The following ST18 variants were observed in gnomAD, a reference collection of about 807,000 sequenced individuals.
ST18 encodes the protein suppression of tumorigenicity 18 protein.
A neutral mutation model predicts 110.0 loss-of-function variants in ST18; 50 were observed. The observed-to-expected ratio is 0.45, with a 90% CI of 0.36 to 0.58. The LOEUF is 0.58. ST18 is among the 20% of genes least tolerant of loss of function. The probability of loss-of-function intolerance (pLI) is 0.00; values close to 1 mark genes in which losing one functional copy is unlikely to be tolerated. For synonymous variants in ST18, 461 were observed against 452.4 expected (o/e 1.02, Z -0.24); for missense variants, 1,306 against 1,280.1 (o/e 1.02, Z -0.31).
intron 2 of ST18, among the ~76,000 whole-genome samples, chr8:52,320,707 A>C (rs1382536704): frequency 1.3e-5 from 2 of 152,226 alleles, no homozygotes; most frequent in African/African-American, 4.8e-5. Context: ...CAATCTGGTG[A>C]GGATGCAGAA....
At chr8:52,209,788 A>AT (rs61437354) in intron 8 of ST18, among the ~76,000 whole-genome samples, 2,399 of 105,496 alleles carry the variant, frequency 0.023, 62 homozygotes, top group East Asian at 0.063. Context: ...AAAAAAAAAA[A>AT]ATATATATAT....
At chr8:52,268,149 T>G (rs988368706) in intron 2 of ST18, among the ~76,000 whole-genome samples, 4 of 152,216 alleles carry the variant, frequency 2.6e-5, no homozygotes, top group African/African-American at 4.8e-5. Flanking sequence ...CATCCTAAAA[T>G]GAATCCTCAT....
At position 52,149,912 on chromosome 8, in the gene ST18, C is replaced by G. The variant is rs748690207; in HGVS notation, c.1872G>C (p.Leu624=). 1 of 1,614,054 alleles carries G rather than the reference C, an allele frequency of 6.2e-7. No individual in the cohort carries two copies. Among genetic ancestry groups the G allele is most frequent in the Non-Finnish European group, 8.5e-7 (1 of 1,180,000 alleles). ...AGGAAGTTAGGGGTGCAGACTTGTC[C>G]AGGATTCGATTTTTTTTCATGCTTA... ...LDLSMKKNRI[L]DKSAPLTSSN... Residue 624 remains leucine (L), a synonymous_variant, in exon 16 of 26, where the codon CTG becomes CTC. Transcript: ENST00000689386.
chr8:52,240,414 C>T (rs2093282578), intron 2 of ST18, among the ~76,000 whole-genome samples: 1 of 152,098 alleles, frequency 6.6e-6, no homozygotes, highest in Non-Finnish European at 1.5e-5. Flanking sequence ...TCTGAATAGT[C>T]TTAACATCTC....
At chr8:52,136,405 C>G (rs996618850) in intron 19 of ST18, among the ~76,000 whole-genome samples, 185 bp downstream of exon 19, 1 of 152,174 alleles carries the variant, frequency 6.6e-6, no homozygotes, top group African/African-American at 2.4e-5. Flanking sequence ...AGCAAATTAA[C>G]TAAATTAAAT....
chr8:52,225,395 T>C (rs989439821), intron 3 of ST18, among the ~76,000 whole-genome samples: 6 of 152,204 alleles, frequency 3.9e-5, no homozygotes, highest in African/African-American at 1.2e-4. Flanking sequence ...CTTAACACAA[T>C]CTGCCATGCT....
chr8:52,257,111 A>C (rs2094550128), intron 2 of ST18, among the ~76,000 whole-genome samples: 1 of 152,206 alleles, frequency 6.6e-6, no homozygotes, highest in Non-Finnish European at 1.5e-5. Flanking sequence ...TTCAAGGTTT[A>C]TCCACATTGT....
chr8:52,363,990 T>A (rs1286582224), intron 2 of ST18, among the ~76,000 whole-genome samples: 2 of 152,214 alleles, frequency 1.3e-5, no homozygotes, highest in Non-Finnish European at 2.9e-5. Flanking sequence ...TTTGACAGTA[T>A]TTTTCAAGAT....
chr8:52,364,250 TC>T (rs902849278), intron 2 of ST18, among the ~76,000 whole-genome samples: 1 of 152,158 alleles, frequency 6.6e-6, no homozygotes, highest in African/African-American at 2.4e-5. Context: ...TGCTTTTTTT[TC>T]ATCCTCTAGT....
At position 52,214,147 on chromosome 8, in the gene ST18, G is replaced by A. The variant is rs547503382; in HGVS notation, c.55+56C>T. Reference sequence around the variant, plus strand: ...CACACGAGGGACTGAGCACTGGAACGCTCATATTTCATGGTGTGGTGGGCA... The same window carrying A: ...CACACGAGGGACTGAGCACTGGAACACTCATATTTCATGGTGTGGTGGGCA... On this transcript the variant is annotated intron_variant, in intron 7 of 25. Coordinates refer to ENST00000689386, the MANE Select transcript of ST18 (RefSeq NM_001352837.2). 7.1e-6 allele frequency: 11 copies of A among 1,554,200 alleles called. No homozygotes were observed. The African/African-American group carries it at 8.1e-5, about 11-fold the overall frequency.
Position 52,214,221 on chromosome 8 carries a change from G to T in ST18, c.37C>A (p.Arg13Ser). The T allele has an allele frequency of 6.2e-7, 1 of 1,614,030 alleles. No individual in the cohort carries two copies. Among genetic ancestry groups the T allele is most frequent in the Middle Eastern group, 1.6e-4 (1 of 6,062 alleles). The change falls in exon 7 of 26, where the codon CGC becomes AGC. Residue 13 changes from arginine (R) to serine (S), a missense_variant. Arg to Ser is a moderately radical substitution (Grantham distance 110). Coordinates refer to ENST00000689386, the MANE Select transcript of ST18 (RefSeq NM_001352837.2). ...AEAEDKTLRT[R>S]SKGTEVPMDS... ...AACTCACCCTCGGTTCCTTTAGAGC[G>T]AGTACGCAGCGTTTTATCTTCAGCC...
intron 12 of ST18, among the ~76,000 whole-genome samples, chr8:52,164,748 C>A (rs114345988): frequency 6.6e-6 from 1 of 152,288 alleles, no homozygotes; most frequent in African/African-American, 2.4e-5. Flanking sequence ...CCTGTTGGTA[C>A]CTTTTTAATG....
At chr8:52,358,780 C>T (rs1218856857) in intron 2 of ST18, among the ~76,000 whole-genome samples, 2 of 151,772 alleles carry the variant, frequency 1.3e-5, no homozygotes, top group African/African-American at 4.8e-5. Flanking sequence ...TTCTACCAAA[C>T]ATTTAAAGAA....
At chr8:52,362,076 G>A (rs1825970236) in intron 2 of ST18, among the ~76,000 whole-genome samples, 1 of 152,086 alleles carries the variant, frequency 6.6e-6, no homozygotes. Flanking sequence ...AAAAGAGGGG[G>A]TTATAAAATC....
At chr8:52,307,147 T>C (rs2095827368) in intron 2 of ST18, among the ~76,000 whole-genome samples, 1 of 151,288 alleles carries the variant, frequency 6.6e-6, no homozygotes, top group African/African-American at 2.4e-5. Flanking sequence ...AGTGGGATCC[T>C]GCCTCTAGAA....
At chr8:52,354,565 C>T (rs1005557980) in intron 2 of ST18, among the ~76,000 whole-genome samples, 3 of 152,086 alleles carry the variant, frequency 2.0e-5, no homozygotes, top group Admixed American at 6.5e-5. Flanking sequence ...TTTGAATTCG[C>T]AAGAGAAGTC....
chr8:52,190,871 G>A (rs1266086488), intron 8 of ST18, among the ~76,000 whole-genome samples: 1 of 152,192 alleles, frequency 6.6e-6, no homozygotes, highest in Non-Finnish European at 1.5e-5. Flanking sequence ...TAAGTCGAAC[G>A]AAGATTCGGG....
At chr8:52,317,423 C>T (rs1220675231) in intron 2 of ST18, among the ~76,000 whole-genome samples, 2 of 152,198 alleles carry the variant, frequency 1.3e-5, no homozygotes, top group Non-Finnish European at 1.5e-5. Context: ...CAAAGATCCA[C>T]CCTAGAGCCT....
At chr8:52,296,249 C>T (rs1452360017) in intron 2 of ST18, 1 of 152,128 alleles carries the variant, frequency 6.6e-6, no homozygotes, top group Non-Finnish European at 1.5e-5. Context: ...CATATTTTCC[C>T]CTACGGTTGT....
Sources: allele counts gnomAD v4.1 joint callset (sites outside exome capture counted in the v4.1 genomes callset), GRCh38; gene constraint gnomAD v4.1.1; transcripts MANE v1.5; gene names NCBI Gene and HGNC (gene_info 2026-07-23, HGNC 2026-07-21).